Variants in APBB2 observed in about 807,000 individuals in gnomAD.
The protein encoded by APBB2 is amyloid beta precursor protein binding family B member 2, also known as Fe65-like 1.
APBB2 carries 38 observed loss-of-function variants against 82.5 expected under a neutral mutation model. The ratio of observed to expected loss-of-function variants is 0.46; its 90% confidence interval spans 0.36 to 0.60. APBB2 has a LOEUF of 0.60. Among genes scored for constraint, APBB2 ranks in the 20% least tolerant of loss-of-function variants. APBB2 has a pLI of 0.00. For missense variants in APBB2, 772 were observed against 972.3 expected (o/e 0.79, Z 2.74); for synonymous variants, 341 against 368.2 (o/e 0.93, Z 0.85).
intron 2 of APBB2, among the ~76,000 whole-genome samples, chr4:41,106,313 G>A (rs1747226903): frequency 6.6e-6 from 1 of 152,144 alleles, no homozygotes; most frequent in Non-Finnish European, 1.5e-5. Flanking sequence ...TCAACCTCTA[G>A]CCCAAAGCCC....
At chr4:41,026,295 C>G (rs1374484161) in intron 5 of APBB2, among the ~76,000 whole-genome samples, 2 of 152,056 alleles carry the variant, frequency 1.3e-5, no homozygotes, top group Non-Finnish European at 2.9e-5. Flanking sequence ...ATGTGTTTAC[C>G]TATGTAACAA....
intron 12 of APBB2, among the ~76,000 whole-genome samples, chr4:40,876,820 G>C (rs1024645690): frequency 1.3e-5 from 2 of 152,208 alleles, no homozygotes; most frequent in African/African-American, 4.8e-5. Flanking sequence ...AGGGCCGACT[G>C]TATCAACAGC....
chr4:41,079,549 A>ATTT (rs36207850), intron 3 of APBB2, among the ~76,000 whole-genome samples: 1 of 145,070 alleles, frequency 6.9e-6, no homozygotes, highest in Non-Finnish European at 1.5e-5. Context: ...AGGCTCATCA[A>ATTT]TTTTTTTTTT....
At chr4:41,114,983 A>G (rs1356852439) in intron 2 of APBB2, among the ~76,000 whole-genome samples, 1 of 152,236 alleles carries the variant, frequency 6.6e-6, no homozygotes, top group Non-Finnish European at 1.5e-5. Flanking sequence ...TTTAAATTTC[A>G]CATGGAACCA....
At chr4:40,960,596 C>T (rs556730147) in intron 6 of APBB2, among the ~76,000 whole-genome samples, 42 of 151,624 alleles carry the variant, frequency 2.8e-4, no homozygotes, top group African/African-American at 9.4e-4. Context: ...TACAGGCACC[C>T]GCCACCATGC....
chr4:41,016,247 G>T (rs888238930), intron 5 of APBB2, among the ~76,000 whole-genome samples: 5 of 152,164 alleles, frequency 3.3e-5, no homozygotes, highest in Non-Finnish European at 7.3e-5. Flanking sequence ...AATGTTATTA[G>T]GGAGATATTT....
chr4:40,930,500 G>A (rs1373136532), intron 10 of APBB2, among the ~76,000 whole-genome samples: 1 of 150,154 alleles, frequency 6.7e-6, no homozygotes, highest in Non-Finnish European at 1.5e-5. Flanking sequence ...TATGTGTGTG[G>A]TGATTTTGTG....
intron 1 of APBB2, 140 bp downstream of exon 1, chr4:41,214,265 G>T (rs1780094956): frequency 6.6e-6 from 1 of 152,250 alleles, no homozygotes; most frequent in Admixed American, 6.5e-5. Flanking sequence ...GCGGAGCCCC[G>T]GGGCCGGGAG....
intron 10 of APBB2, among the ~76,000 whole-genome samples, chr4:40,918,475 G>A (rs1780384168): frequency 6.6e-6 from 1 of 152,256 alleles, no homozygotes; most frequent in South Asian, 2.1e-4. Flanking sequence ...TTTACCCACA[G>A]CCTATCTCTT....
In APBB2 at chr4:40,823,497, A is replaced by C. The variant is rs548629490; in HGVS notation, c.1932+147T>G. ...GTATGCACAGATTTAGACCCAGACA[A>C]AGGGCCAAATCTTTCAAATGTAGGC... On this transcript the variant is annotated intron_variant, in intron 16 of 17. Transcript: ENST00000508593. 6.4e-4 allele frequency: 396 copies of C among 619,546 alleles called. No individual in the cohort carries two copies. The Middle Eastern group carries it at 6.8e-3, about 11-fold the overall frequency. The allele number at this position is 619,546 out of a possible 1,614,324, so 38.4% of individuals were successfully genotyped here.
intron 1 of APBB2, among the ~76,000 whole-genome samples, chr4:41,172,585 C>T (rs1305126453): frequency 1.3e-5 from 2 of 152,256 alleles, no homozygotes; most frequent in East Asian, 1.9e-4. Context: ...GTGTGGTTTA[C>T]AAACTCTCAT....
intron 12 of APBB2, among the ~76,000 whole-genome samples, chr4:40,885,027 AG>A (rs1368812809): frequency 6.6e-6 from 1 of 152,254 alleles, no homozygotes; most frequent in Non-Finnish European, 1.5e-5. Flanking sequence ...AACACCTTCA[AG>A]GAAGAGAAGT....
chr4:41,195,403 C>T, intron 1 of APBB2, among the ~76,000 whole-genome samples: 27,968 of 152,100 alleles, frequency 0.18, 3,622 homozygotes, highest in African/African-American at 0.36. Context: ...ATCAACAAAC[C>T]GTGCTCGCTC....
intron 12 of APBB2, among the ~76,000 whole-genome samples, chr4:40,879,548 G>A (rs1427729940): frequency 6.6e-6 from 1 of 152,146 alleles, no homozygotes; most frequent in Non-Finnish European, 1.5e-5. Flanking sequence ...TCTATGAAGA[G>A]TCACCAACTC....
chr4:40,824,730 A>G (rs1749282109), intron 15 of APBB2, among the ~76,000 whole-genome samples: 4 of 152,136 alleles, frequency 2.6e-5, no homozygotes. Flanking sequence ...GGCTCAAGCA[A>G]TCCACCTGCC....
intron 2 of APBB2, among the ~76,000 whole-genome samples, chr4:41,115,138 G>T (rs1338698845): frequency 6.6e-6 from 1 of 152,106 alleles, no homozygotes; most frequent in East Asian, 1.9e-4. Flanking sequence ...CAGACCAATG[G>T]AACAGAACAA....
rs554158224 is a variant in APBB2, at chr4:41,051,699, C to T, written c.-51+13877G>A. Among the ~76,000 whole-genome samples, 4 of 152,316 alleles carry T rather than the reference C, an allele frequency of 2.6e-5. No homozygotes were observed. The South Asian group carries it at 8.3e-4, about 32-fold the overall frequency. ...GGCCTACAGTCGATATTCTCATTAC[C>T]TGTCTGCCCTCATGCCAATCCAACT... On this transcript the variant is annotated intron_variant, in intron 4 of 17. Coordinates refer to ENST00000508593, the MANE Select transcript of APBB2 (RefSeq NM_004307.2).
rs550453528 is a variant in APBB2, at chr4:40,816,346, T to C, written c.2113-87A>G. 44 of 1,425,064 alleles carry C rather than the reference T, an allele frequency of 3.1e-5. No individual in the cohort carries two copies. The East Asian group carries it at 8.3e-4, about 27-fold the overall frequency. The allele number at this position is 1,425,064 out of a possible 1,614,324, so 88.3% of individuals were successfully genotyped here. On this transcript the variant is annotated intron_variant, in intron 17 of 17. Transcript: ENST00000508593. ...ACTTTAAGTCATGACCCATAATACATTGACTCCCAAAGGTTAACGACCTAG... is the reference window on the plus strand; with the variant it reads ...ACTTTAAGTCATGACCCATAATACACTGACTCCCAAAGGTTAACGACCTAG...
At chr4:41,012,731 T>C (rs1204195510) in intron 6 of APBB2, among the ~76,000 whole-genome samples, 1 of 152,206 alleles carries the variant, frequency 6.6e-6, no homozygotes, top group Non-Finnish European at 1.5e-5. Context: ...TGGGACCCAC[T>C]AGGGGAACTG....
Sources: gnomAD v4.1 joint callset for allele counts (sites outside exome capture counted in the v4.1 genomes callset) on GRCh38, gnomAD v4.1.1 for gene constraint, MANE v1.5 for transcripts, NCBI Gene and HGNC (gene_info 2026-07-23, HGNC 2026-07-21) for gene names.